THSD7A: variants seen among roughly 807,000 people sequenced by gnomAD.
THSD7A encodes thrombospondin type-1 domain-containing protein 7A.
In THSD7A, 96 loss-of-function variants were observed where a neutral mutation model predicts 231.3. That is an observed-to-expected ratio of 0.41 (90% CI 0.35 to 0.49). The LOEUF is 0.49. THSD7A is among the 20% of genes least tolerant of loss of function. The probability of loss-of-function intolerance (pLI) is 0.05; values close to 1 mark genes in which losing one functional copy is unlikely to be tolerated. For missense variants in THSD7A, 2,290 were observed against 2,070.2 expected (o/e 1.11, Z -2.06); for synonymous variants, 940 against 743.3 (o/e 1.26, Z -4.30).
intron 1 of THSD7A, among the ~76,000 whole-genome samples, chr7:11,734,542 A>G (rs1338639722): frequency 6.6e-6 from 1 of 152,020 alleles, no homozygotes; most frequent in Non-Finnish European, 1.5e-5. Context: ...ATCCAATAAA[A>G]TTAGCACCTC....
At chr7:11,473,137 G>A (rs1786003401) in intron 8 of THSD7A, among the ~76,000 whole-genome samples, 1 of 152,020 alleles carries the variant, frequency 6.6e-6, no homozygotes, top group Admixed American at 6.6e-5. Context: ...CTAATTTCAA[G>A]CAATATAAAA....
At chr7:11,791,831 G>T (rs966559636) in intron 1 of THSD7A, among the ~76,000 whole-genome samples, 1 of 151,786 alleles carries the variant, frequency 6.6e-6, no homozygotes, top group African/African-American at 2.4e-5. Context: ...CCTTTCTTTG[G>T]ATTCATCATC....
chr7:11,414,847 G>A (rs1783907339), intron 17 of THSD7A, among the ~76,000 whole-genome samples: 1 of 152,190 alleles, frequency 6.6e-6, no homozygotes. Context: ...GTTCGTTTCT[G>A]CAGTGCACTA....
chr7:11,664,122 C>T (rs1562455551), intron 1 of THSD7A, among the ~76,000 whole-genome samples: 1 of 151,558 alleles, frequency 6.6e-6, no homozygotes, highest in Non-Finnish European at 1.5e-5. Context: ...ATTGATATTC[C>T]TCAGTCCCTG....
intron 1 of THSD7A, among the ~76,000 whole-genome samples, chr7:11,758,756 G>A (rs548302646): frequency 2.0e-4 from 31 of 152,212 alleles, no homozygotes; most frequent in African/African-American, 7.0e-4. Flanking sequence ...GCTTAAACTA[G>A]TGGTTATCAA....
At chr7:11,553,018 T>G (rs946208901) in intron 4 of THSD7A, among the ~76,000 whole-genome samples, 1 of 152,030 alleles carries the variant, frequency 6.6e-6, no homozygotes, top group Admixed American at 6.6e-5. Context: ...TTCTGCCTAT[T>G]GAATCTCCAC....
At chr7:11,627,620 T>A (rs1409442286) in intron 2 of THSD7A, among the ~76,000 whole-genome samples, 1 of 152,002 alleles carries the variant, frequency 6.6e-6, no homozygotes, top group African/African-American at 2.4e-5. Flanking sequence ...GGTGAACAGA[T>A]CAGAATGGGA....
intron 16 of THSD7A, among the ~76,000 whole-genome samples, chr7:11,424,422 G>T (rs888580982): frequency 1.3e-5 from 2 of 152,130 alleles, no homozygotes; most frequent in African/African-American, 2.4e-5. Flanking sequence ...AGTTATTGGG[G>T]TTGAAAATCT....
rs978912756 is a variant in THSD7A, at chr7:11,820,290, G to C, written c.190+11467C>G. The C allele has an allele frequency of 5.7e-6, 3 of 530,954 alleles. No individual in the cohort carries two copies. The African/African-American group carries it at 5.9e-5, about 11-fold the overall frequency. 32.9% of individuals were successfully genotyped at this position (530,954 alleles called of 1,614,324 possible). On this transcript the variant is annotated intron_variant, in intron 1 of 27. Coordinates refer to ENST00000423059, the MANE Select transcript of THSD7A (RefSeq NM_015204.3). Reference sequence around the variant, plus strand: ...ATCTTTCCAGCACCTCTCTCCCCTGGGCAAGGAATTCCGTAAAGAGTGGAC... The same window carrying C: ...ATCTTTCCAGCACCTCTCTCCCCTGCGCAAGGAATTCCGTAAAGAGTGGAC...
intron 23 of THSD7A, chr7:11,383,773 A>G (rs1213155299): frequency 2.6e-5 from 4 of 151,970 alleles, no homozygotes; most frequent in Non-Finnish European, 4.4e-5. Flanking sequence ...TTGGCCTTCT[A>G]TATTTTTTCT....
chr7:11,372,875 T>C lies in THSD7A; in HGVS notation c.*2919A>G, dbSNP rs1036898339. On this transcript the variant is annotated 3_prime_UTR_variant, in exon 28 of 28. Transcript: ENST00000423059. ...AGAAACAAAAATAAGGCCATTTTCATGTTATAAACATGAATATAATAACCT... is the reference window on the plus strand; with the variant it reads ...AGAAACAAAAATAAGGCCATTTTCACGTTATAAACATGAATATAATAACCT... 2 of 152,082 alleles carry C rather than the reference T, an allele frequency of 1.3e-5. No homozygotes were observed. Among genetic ancestry groups the C allele is most frequent in the Non-Finnish European group, 2.9e-5 (2 of 67,982 alleles). The allele number at this position is 152,082 out of a possible 1,614,324, so 9.4% of individuals were successfully genotyped here.
intron 2 of THSD7A, among the ~76,000 whole-genome samples, chr7:11,596,137 C>A (rs911855870): frequency 2.6e-5 from 4 of 152,208 alleles, no homozygotes; most frequent in Non-Finnish European, 4.4e-5. Context: ...GAGGCTGGGT[C>A]CCCTTGGGGA....
intron 1 of THSD7A, among the ~76,000 whole-genome samples, chr7:11,743,312 T>C (rs556133064): frequency 6.6e-6 from 1 of 151,972 alleles, no homozygotes; most frequent in Admixed American, 6.6e-5. Flanking sequence ...TCTTATGTCT[T>C]AAAACTGAAA....
intron 27 of THSD7A, 83 bp from the exon 28 acceptor site, chr7:11,375,961 G>T: frequency 7.5e-7 from 1 of 1,325,224 alleles, no homozygotes; most frequent in Non-Finnish European, 1.1e-6. Flanking sequence ...AAAAGTAAAA[G>T]CAAATTGATA....
intron 1 of THSD7A, among the ~76,000 whole-genome samples, chr7:11,771,503 C>A (rs1375533027): frequency 7.2e-5 from 11 of 151,828 alleles, no homozygotes; most frequent in African/African-American, 2.7e-4. Context: ...CATCAGATAA[C>A]AATCTCTAAG....
intron 2 of THSD7A, among the ~76,000 whole-genome samples, chr7:11,594,387 G>A (rs181601079): frequency 6.6e-6 from 1 of 152,250 alleles, no homozygotes; most frequent in East Asian, 1.9e-4. Flanking sequence ...TATTAAGGAT[G>A]GAATTCTTTC....
At chr7:11,594,700 C>T (rs934404767) in intron 2 of THSD7A, among the ~76,000 whole-genome samples, 53 of 152,152 alleles carry the variant, frequency 3.5e-4, no homozygotes, top group African/African-American at 1.3e-3. Flanking sequence ...ATTCTAACTC[C>T]TAGCTTCATA....
intron 2 of THSD7A, among the ~76,000 whole-genome samples, chr7:11,596,697 C>G (rs1160159850): frequency 2.0e-5 from 3 of 152,140 alleles, no homozygotes; most frequent in African/African-American, 7.2e-5. Flanking sequence ...CCCTGTTCGA[C>G]TCTCCCATTT....
At chr7:11,500,797 G>T (rs377166035) in intron 6 of THSD7A, among the ~76,000 whole-genome samples, 1 of 151,882 alleles carries the variant, frequency 6.6e-6, no homozygotes, top group Non-Finnish European at 1.5e-5. Flanking sequence ...TTAGCCAGGC[G>T]TGGTGGTGGG....
Sources: gnomAD v4.1 joint callset for allele counts (sites outside exome capture counted in the v4.1 genomes callset) on GRCh38, gnomAD v4.1.1 for gene constraint, MANE v1.5 for transcripts, NCBI Gene and HGNC (gene_info 2026-07-23, HGNC 2026-07-21) for gene names.